MTM1: variants seen among roughly 807,000 people sequenced by gnomAD.
MTM1 encodes myotubularin.
A neutral mutation model predicts 52.1 loss-of-function variants in MTM1; 9 were observed. That is an observed-to-expected ratio of 0.17 (90% CI 0.10 to 0.30). MTM1 has a LOEUF of 0.30. Among genes scored for constraint, MTM1 ranks in the 10% least tolerant of loss-of-function variants. MTM1 has a pLI of 1.00. For synonymous variants in MTM1, 136 were observed against 163.8 expected (o/e 0.83, Z 1.29); for missense variants, 277 against 470.7 (o/e 0.59, Z 3.81).
At chrX:150,596,029 TC>T (rs1223515205) in intron 2 of MTM1, among the ~76,000 whole-genome samples, 7 of 110,214 alleles carry the variant, frequency 6.4e-5, no homozygotes, top group Non-Finnish European at 1.9e-5. Context: ...CAATAGGTAA[TC>T]AATGATTTTC....
At chrX:150,597,550 G>A (rs1450640130) in intron 3 of MTM1, among the ~76,000 whole-genome samples, 2 of 111,988 alleles carry the variant, frequency 1.8e-5, no homozygotes, top group Non-Finnish European at 3.8e-5. Flanking sequence ...CTAGCATAAA[G>A]TAGCTTTATT....
At chrX:150,589,474 G>GT in intron 1 of MTM1, among the ~76,000 whole-genome samples, 1 of 111,588 alleles carries the variant, frequency 9.0e-6, no homozygotes, top group South Asian at 3.7e-4. Context: ...TTTTTTGTTT[G>GT]TTTTTTAAAT....
chrX:150,599,974 C>T (rs781852995), intron 4 of MTM1, among the ~76,000 whole-genome samples: 1 of 111,950 alleles, frequency 8.9e-6, no homozygotes, highest in Non-Finnish European at 1.9e-5. Flanking sequence ...GAAAAGAAAC[C>T]AACCATTGGG....
chrX:150,662,975 TTAAAA>T (rs1309086493), intron 13 of MTM1, among the ~76,000 whole-genome samples: 1 of 112,331 alleles, frequency 8.9e-6, no homozygotes, highest in Non-Finnish European at 1.9e-5. Flanking sequence ...GGATGGTTGA[TTAAAA>T]TAACTGTGTC....
At position 150,670,670 on chromosome X, in the gene MTM1, C is replaced by T. The variant is rs1318522125; in HGVS notation, c.1645-758C>T. ...TGCCAGGTATCACCAGCAGGAGCCTCTCTGCAGGCAATTTGGCAGCATCTG... is the reference window on the plus strand; with the variant it reads ...TGCCAGGTATCACCAGCAGGAGCCTTTCTGCAGGCAATTTGGCAGCATCTG... On this transcript the variant is annotated intron_variant, in intron 14 of 14. Coordinates refer to ENST00000370396, the MANE Select transcript of MTM1 (RefSeq NM_000252.3). Among the ~76,000 whole-genome samples the T allele has an allele frequency of 3.6e-5, 4 of 112,132 alleles. No individual in the cohort carries two copies. In the Admixed American group the frequency reaches 3.8e-4, roughly 11 times the overall value.
At chrX:150,657,708 T>C in intron 10 of MTM1, 113 bp from the exon 11 acceptor site, 1 of 701,416 alleles carries the variant, frequency 1.4e-6, no homozygotes, top group Non-Finnish European at 2.2e-6. Flanking sequence ...TTTTGATAAA[T>C]CTTTGTTCTG....
intron 3 of MTM1, among the ~76,000 whole-genome samples, chrX:150,598,212 T>A (rs2039011782): frequency 8.9e-6 from 1 of 112,801 alleles, no homozygotes; most frequent in South Asian, 3.6e-4. Flanking sequence ...GGTTAGTCCG[T>A]GAGACTGTCC....
Position 150,608,832 on chromosome X carries a change from T to TG in MTM1, c.232-5757_232-5756insG, listed in dbSNP as rs1385168262. On this transcript the variant is annotated intron_variant, in intron 4 of 14. Coordinates refer to ENST00000370396, the MANE Select transcript of MTM1 (RefSeq NM_000252.3). The stretch of plus-strand genomic sequence containing the variant: ...TGATGATGATGATGATGATGATGAT[T>TG]ATTATTATTATTTTTGAGATGAAGT... Among the ~76,000 whole-genome samples the TG allele has an allele frequency of 2.4e-3, 264 of 109,313 alleles. 1 individual carries two copies. The highest frequency in any genetic ancestry group is 8.6e-3 in the African/African-American group (255 of 29,767). The allele number at this position is 109,313 out of a possible 115,157, so 94.9% of individuals were successfully genotyped here.
At chrX:150,604,026 A>G (rs2039111694) in intron 4 of MTM1, among the ~76,000 whole-genome samples, 1 of 111,663 alleles carries the variant, frequency 9.0e-6, no homozygotes, top group South Asian at 3.8e-4. Flanking sequence ...AAATGTTGCA[A>G]GTTTCAGTAA....
At chrX:150,615,429 A>G (rs782466061) in intron 5 of MTM1, among the ~76,000 whole-genome samples, 1 of 109,775 alleles carries the variant, frequency 9.1e-6, no homozygotes, top group East Asian at 2.9e-4. Flanking sequence ...GGGCCACATC[A>G]GATTTCTGTT....
intron 1 of MTM1, among the ~76,000 whole-genome samples, chrX:150,569,331 G>C (rs1353726106): frequency 3.5e-5 from 4 of 113,499 alleles, no homozygotes; most frequent in African/African-American, 1.3e-4. Context: ...ACTGTCTTTT[G>C]CTGCGCTCAG....
At position 150,649,838 on chromosome X, in the gene MTM1, T is replaced by C. The variant is rs1557414127; in HGVS notation, c.990T>C (p.Pro330=). 8.3e-7 allele frequency: 1 copy of C among 1,209,603 alleles called. No individual in the cohort carries two copies. The highest frequency in any genetic ancestry group is 2.2e-5 in the Admixed American group (1 of 45,974). ...AAAAAGTGAAGGACATTGTTTATCC[T>C]AATGTAGAAGAATCTCATTGGTTGT... ...SLKKVKDIVY[P]NVEESHWLSS... Residue 330 remains proline (P), a synonymous_variant, in exon 10 of 15, where the codon CCT becomes CCC. Coordinates refer to ENST00000370396, the MANE Select transcript of MTM1 (RefSeq NM_000252.3).
chrX:150,578,571 A>G (rs1186215309), intron 1 of MTM1, among the ~76,000 whole-genome samples: 1 of 112,350 alleles, frequency 8.9e-6, no homozygotes, highest in Non-Finnish European at 1.9e-5. Flanking sequence ...TTTGTGAAGT[A>G]AGGGTAAAGA....
At chrX:150,636,108 C>T (rs1230815913) in intron 6 of MTM1, among the ~76,000 whole-genome samples, 1 of 111,229 alleles carries the variant, frequency 9.0e-6, no homozygotes, top group Non-Finnish European at 1.9e-5. Context: ...AGACATGTTT[C>T]GGGTTAAAGG....
At chrX:150,632,107 T>C (rs2039681524) in intron 6 of MTM1, among the ~76,000 whole-genome samples, 1 of 112,018 alleles carries the variant, frequency 8.9e-6, no homozygotes, top group Non-Finnish European at 1.9e-5. Context: ...CTAGAGCTGA[T>C]ACCCACTTCC....
At chrX:150,650,269 T>G (rs1047542911) in intron 10 of MTM1, among the ~76,000 whole-genome samples, 5 of 110,558 alleles carry the variant, frequency 4.5e-5, no homozygotes, top group African/African-American at 1.6e-4. Context: ...GTTTTTTGTT[T>G]TTTTTTGTTT....
At chrX:150,594,819 A>G (rs923218519) in intron 2 of MTM1, among the ~76,000 whole-genome samples, 3 of 111,624 alleles carry the variant, frequency 2.7e-5, no homozygotes, top group African/African-American at 3.3e-5. Flanking sequence ...TATACTGAGT[A>G]TTGCATTTGC....
At chrX:150,652,902 A>G (rs1557414267) in intron 10 of MTM1, among the ~76,000 whole-genome samples, 1 of 109,746 alleles carries the variant, frequency 9.1e-6, no homozygotes, top group Non-Finnish European at 1.9e-5. Context: ...AGGAAGAGAG[A>G]CTGGGTGAGA....
intron 4 of MTM1, among the ~76,000 whole-genome samples, chrX:150,609,169 G>A (rs1236041403): frequency 7.2e-5 from 8 of 111,256 alleles, no homozygotes; most frequent in African/African-American, 2.6e-4. Context: ...AGCTTTTGAA[G>A]CTTTTCACAC....
Sources: gnomAD v4.1 joint callset for allele counts (sites outside exome capture counted in the v4.1 genomes callset) on GRCh38, gnomAD v4.1.1 for gene constraint, MANE v1.5 for transcripts, NCBI Gene and HGNC (gene_info 2026-07-23, HGNC 2026-07-21) for gene names.